HRH1: variants seen among roughly 807,000 people sequenced by gnomAD.
The protein encoded by HRH1 is histamine receptor H1.
HRH1 carries 6 observed loss-of-function variants against 10.3 expected under a neutral mutation model. That is an observed-to-expected ratio of 0.58 (90% confidence interval 0.32 to 1.15). The LOEUF (loss-of-function observed/expected upper bound fraction) is 1.15, where lower values mean the gene tolerates loss of function less well. HRH1 is among the 50% of genes most tolerant of loss of function. HRH1 has a pLI of 0.05. For synonymous variants in HRH1, 242 were observed against 236.7 expected, an observed-to-expected ratio of 1.02 and a Z score of -0.21; for missense variants, 514 against 615.3, an observed-to-expected ratio of 0.84 and a Z score of 1.74.
At chr3:11,217,465 G>T (rs2125038000) in intron 1 of HRH1, among the ~76,000 whole-genome samples, 1 of 152,278 alleles carries the variant, frequency 6.6e-6, no homozygotes, top group South Asian at 2.1e-4. Flanking sequence ...GCAGGCGGAG[G>T]TTGCAGTGAG....
chr3:11,238,179 A>C (rs963740277), intron 1 of HRH1, among the ~76,000 whole-genome samples: 1 of 152,200 alleles, frequency 6.6e-6, no homozygotes, highest in African/African-American at 2.4e-5. Context: ...CAATCAAACA[A>C]GTTCAATCTC....
intron 1 of HRH1, among the ~76,000 whole-genome samples, chr3:11,234,883 G>T (rs2125045600): frequency 6.6e-6 from 1 of 152,022 alleles, no homozygotes; most frequent in Admixed American, 6.5e-5. Context: ...TCTCAATTGT[G>T]TTCACATTTG....
intron 1 of HRH1, chr3:11,226,549 A>G (rs529895361): frequency 1.3e-5 from 2 of 152,306 alleles, no homozygotes; most frequent in Admixed American, 1.3e-4. Flanking sequence ...TTACTTTTCC[A>G]TATCGTTTTA....
intron 1 of HRH1, among the ~76,000 whole-genome samples, chr3:11,166,861 T>C (rs1937047155): frequency 7.0e-6 from 1 of 142,844 alleles, no homozygotes; most frequent in Non-Finnish European, 1.5e-5. Context: ...ACCCACGACA[T>C]TTGCTGTCCC....
chr3:11,144,345 A>ATG (rs112938608), intron 1 of HRH1, among the ~76,000 whole-genome samples: 11,174 of 139,798 alleles, frequency 0.08, 511 homozygotes, highest in East Asian at 0.2. Flanking sequence ...TGATATGTAT[A>ATG]TGTGTGTGTG....
intron 1 of HRH1, among the ~76,000 whole-genome samples, chr3:11,210,409 T>C (rs346067): frequency 0.58 from 87,791 of 151,742 alleles, 25,833 homozygotes; most frequent in East Asian, 0.67. Context: ...AATAAATAAA[T>C]AAATGGGGTT....
At chr3:11,243,823 T>C (rs1184074455) in intron 1 of HRH1, among the ~76,000 whole-genome samples, 1 of 152,244 alleles carries the variant, frequency 6.6e-6, no homozygotes, top group Non-Finnish European at 1.5e-5. Context: ...AGTTCTTCCC[T>C]CTGCTGTCCA....
At position 11,210,826 on chromosome 3, in the gene HRH1, T is replaced by C. The variant is rs1272020365; in HGVS notation, c.-35-48177T>C. Among the ~76,000 whole-genome samples, 5 of 151,444 alleles carry C rather than the reference T, an allele frequency of 3.3e-5. No individual in the cohort carries two copies. In the East Asian group the frequency reaches 7.7e-4, roughly 23 times the overall value. ...AAAAAAAAAAAAGCAGCTGTTGTTA[T>C]TTTTTGTGTATCTGCTTAGTCCGCA... is the stretch of plus-strand genomic sequence containing the variant. On this transcript the variant is annotated intron_variant, in intron 1 of 1. Coordinates refer to ENST00000431010, the MANE Select transcript of HRH1 (RefSeq NM_001098212.2).
chr3:11,250,295 G>A (rs1405698787), intron 1 of HRH1, among the ~76,000 whole-genome samples: 4 of 147,480 alleles, frequency 2.7e-5, no homozygotes, highest in African/African-American at 1.0e-4. Context: ...TCCTGACCTC[G>A]TGATCCGTCC....
intron 1 of HRH1, among the ~76,000 whole-genome samples, chr3:11,250,591 G>A (rs1042042606): frequency 6.6e-6 from 1 of 152,132 alleles, no homozygotes; most frequent in African/African-American, 2.4e-5. Context: ...GTTTGTGCTA[G>A]GAGGCCTTGA....
intron 1 of HRH1, among the ~76,000 whole-genome samples, chr3:11,248,526 G>A (rs1466621272): frequency 2.6e-5 from 4 of 152,196 alleles, no homozygotes; most frequent in Admixed American, 6.5e-5. Flanking sequence ...CTGAATTACA[G>A]CACAAGTGCT....
intron 1 of HRH1, among the ~76,000 whole-genome samples, chr3:11,233,980 A>G (rs1575032263): frequency 6.6e-6 from 1 of 152,230 alleles, no homozygotes; most frequent in Admixed American, 6.5e-5. Context: ...TATTCAGCAC[A>G]TGATTTAAAA....
intron 1 of HRH1, chr3:11,234,724 G>C (rs1939131092): frequency 3.4e-6 from 3 of 879,814 alleles, no homozygotes; most frequent in Non-Finnish European, 5.8e-6. Context: ...GGCGGTGGCA[G>C]CAGCTGTAGC....
At chr3:11,225,112 CCT>C (rs1418819804) in intron 1 of HRH1, among the ~76,000 whole-genome samples, 1 of 152,142 alleles carries the variant, frequency 6.6e-6, no homozygotes, top group Non-Finnish European at 1.5e-5. Flanking sequence ...CCAAGGGACC[CCT>C]TCAAAGCCAA....
At chr3:11,182,704 T>C (rs1383569329) in intron 1 of HRH1, among the ~76,000 whole-genome samples, 1 of 152,152 alleles carries the variant, frequency 6.6e-6, no homozygotes, top group African/African-American at 2.4e-5. Flanking sequence ...TTCTCCAGTG[T>C]GGTAAGCACT....
At chr3:11,249,870 T>C (rs1055796949) in intron 1 of HRH1, among the ~76,000 whole-genome samples, 16 of 152,074 alleles carry the variant, frequency 1.1e-4, no homozygotes, top group African/African-American at 3.9e-4. Context: ...AAGATACTTT[T>C]CTGAAGTAGA....
intron 1 of HRH1, among the ~76,000 whole-genome samples, chr3:11,181,461 A>G (rs1311235564): frequency 6.6e-6 from 1 of 152,050 alleles, no homozygotes; most frequent in African/African-American, 2.4e-5. Context: ...ATCTTTGCCA[A>G]CATTTGTTAT....
At chr3:11,189,537 A>C (rs1349037598) in intron 1 of HRH1, among the ~76,000 whole-genome samples, 1 of 152,222 alleles carries the variant, frequency 6.6e-6, no homozygotes, top group Non-Finnish European at 1.5e-5. Context: ...CCTCTGGTCC[A>C]TGACAGGTAA....
At chr3:11,192,420 G>T (rs528255963) in intron 1 of HRH1, among the ~76,000 whole-genome samples, 1 of 152,148 alleles carries the variant, frequency 6.6e-6, no homozygotes, top group East Asian at 1.9e-4. Context: ...TTCATTCATT[G>T]TCATTGCTGT....
Sources: gnomAD v4.1 joint callset for allele counts (sites outside exome capture counted in the v4.1 genomes callset) on GRCh38, gnomAD v4.1.1 for gene constraint, MANE v1.5 for transcripts, NCBI Gene and HGNC (gene_info 2026-07-23, HGNC 2026-07-21) for gene names.